AKAP7: variants seen among roughly 807,000 people sequenced by gnomAD.
AKAP7 encodes A kinase (PRKA) anchor protein 7.
A neutral mutation model predicts 39.5 loss-of-function variants in AKAP7; 39 were observed. That is an observed-to-expected ratio of 0.99 (90% CI 0.76 to 1.29). AKAP7 has a LOEUF of 1.29. Ranked by LOEUF, AKAP7 falls within the 50% of genes most tolerant of loss-of-function variation. AKAP7 has a pLI of 0.00. For missense variants in AKAP7, 414 were observed against 407.7 expected (o/e 1.02, Z -0.13); for synonymous variants, 140 against 139.1 (o/e 1.01, Z -0.05).
chr6:131,211,772 C>CAAAAAAA (rs202168206), intron 6 of AKAP7, among the ~76,000 whole-genome samples: 8 of 83,912 alleles, frequency 9.5e-5, no homozygotes, highest in African/African-American at 3.0e-4. Flanking sequence ...GACTCCGTCT[C>CAAAAAAA]AAAAAAAAAA....
At chr6:131,164,257 C>A in intron 3 of AKAP7, 1 of 421,196 alleles carries the variant, frequency 2.4e-6, no homozygotes, top group Non-Finnish European at 4.8e-6. Flanking sequence ...TCTGTGCTCT[C>A]TTTTCTCTGT....
At chr6:131,242,151 T>C in intron 7 of AKAP7, 1 of 985,006 alleles carries the variant, frequency 1.0e-6, no homozygotes, top group Non-Finnish European at 1.2e-6. Flanking sequence ...ATTGTGGTTC[T>C]ATTTGATCTT....
At chr6:131,240,365 TGAG>T (rs1364701592) in intron 7 of AKAP7, among the ~76,000 whole-genome samples, 3 of 152,206 alleles carry the variant, frequency 2.0e-5, no homozygotes, top group Admixed American at 1.3e-4. Context: ...GGGACCCACT[TGAG>T]GAGACAGTCT....
chr6:131,257,680 C>G (rs764759293), intron 7 of AKAP7, among the ~76,000 whole-genome samples: 7 of 152,118 alleles, frequency 4.6e-5, no homozygotes, highest in Non-Finnish European at 8.8e-5. Flanking sequence ...GAAAGGCTGT[C>G]ATCCTAAGAT....
At chr6:131,227,625 A>T (rs1369092942) in intron 7 of AKAP7, among the ~76,000 whole-genome samples, 1 of 152,202 alleles carries the variant, frequency 6.6e-6, no homozygotes, top group African/African-American at 2.4e-5. Context: ...GGCCAAGCAT[A>T]AACTAAACAG....
chr6:131,215,067 G>A (rs747329490), intron 6 of AKAP7, among the ~76,000 whole-genome samples: 1 of 151,968 alleles, frequency 6.6e-6, no homozygotes, highest in Non-Finnish European at 1.5e-5. Flanking sequence ...CATAGTAAAT[G>A]CTTTATATTT....
At position 131,281,725 on chromosome 6, in the gene AKAP7, G is replaced by A. The variant is rs1562263751; in HGVS notation, c.1046G>A (p.Ter349=). 1.3e-6 allele frequency: 2 copies of A among 1,598,174 alleles called. No individual in the cohort carries two copies. The change falls in exon 8 of 8, where the codon TGA becomes TAA. Residue 349 remains the stop codon, a stop_retained_variant. Transcript: ENST00000431975. This position sits in a 1 kb window ranked among gnomAD's most constrained non-coding sequence, Gnocchi z 4.0. ...AATGACAATGAGAACAACAGGAAAT[G>A]AGCCCGGAACGCAGGCCCCCATGTC... The part of the protein sequence containing the change: ...NGNDNENNRK[*]
At chr6:131,217,117 G>A (rs1217513015) in intron 6 of AKAP7, among the ~76,000 whole-genome samples, 1 of 152,124 alleles carries the variant, frequency 6.6e-6, no homozygotes, top group African/African-American at 2.4e-5. Context: ...GAATAATTTT[G>A]GGGGTCCACA....
chr6:131,235,842 T>C (rs939274948), intron 7 of AKAP7, among the ~76,000 whole-genome samples: 1 of 152,248 alleles, frequency 6.6e-6, no homozygotes, highest in Non-Finnish European at 1.5e-5. Context: ...GCAAAAATTT[T>C]CTCCCATTCT....
chr6:131,229,033 G>C (rs910729817), intron 7 of AKAP7, among the ~76,000 whole-genome samples: 56 of 152,224 alleles, frequency 3.7e-4, no homozygotes, highest in South Asian at 4.1e-4. Context: ...TATTGAAGTA[G>C]GTCGACCCAA....
intron 5 of AKAP7, among the ~76,000 whole-genome samples, chr6:131,170,221 G>A (rs1248786967): frequency 3.3e-5 from 5 of 150,260 alleles, no homozygotes; most frequent in East Asian, 3.9e-4. Context: ...TGGGTGCAGC[G>A]CACCAGCATG....
intron 5 of AKAP7, among the ~76,000 whole-genome samples, chr6:131,191,482 C>T (rs896884952): frequency 3.3e-5 from 5 of 151,790 alleles, no homozygotes; most frequent in African/African-American, 1.2e-4. Flanking sequence ...TTTTGGCTAC[C>T]CAGCATCTAA....
chr6:131,228,878 A>T (rs1049663992), intron 7 of AKAP7, among the ~76,000 whole-genome samples: 9 of 152,206 alleles, frequency 5.9e-5, no homozygotes, highest in South Asian at 2.1e-4. Context: ...CTAAAAAAAA[A>T]TTTTTTAAAG....
At chr6:131,220,323 G>C (rs548034671) in intron 7 of AKAP7, among the ~76,000 whole-genome samples, 4 of 152,334 alleles carry the variant, frequency 2.6e-5, no homozygotes, top group African/African-American at 9.6e-5. Context: ...GCATCTGTCA[G>C]ATGGCAGGAG....
Position 131,276,215 on chromosome 6 carries a change from A to G in AKAP7, c.851-5315A>G, listed in dbSNP as rs145579400. On this transcript the variant is annotated intron_variant, in intron 7 of 7. Coordinates refer to ENST00000431975, the MANE Select transcript of AKAP7 (RefSeq NM_016377.4). ...CCCTTTTGAAATTTACATTATAGAA[A>G]ATGTTTTAAAATATGGTTTTGGTGT... Among the ~76,000 whole-genome samples the G allele has an allele frequency of 7.2e-5, 11 of 152,254 alleles. No homozygotes were observed. In the East Asian group the frequency reaches 2.1e-3, roughly 29 times the overall value.
upstream of AKAP7, among the ~76,000 whole-genome samples, chr6:131,131,651 G>A (rs1474833846): frequency 3.3e-5 from 5 of 152,060 alleles, no homozygotes; most frequent in African/African-American, 1.2e-4. Flanking sequence ...TTCTAGTGGC[G>A]TAAAGTCTAA....
intron 7 of AKAP7, among the ~76,000 whole-genome samples, chr6:131,237,409 T>C (rs1159649887): frequency 1.3e-5 from 2 of 152,188 alleles, no homozygotes; most frequent in African/African-American, 4.8e-5. Context: ...ATCAGGATAA[T>C]GCTGGCCTCA....
At chr6:131,237,601 T>A (rs890370465) in intron 7 of AKAP7, among the ~76,000 whole-genome samples, 36 of 152,186 alleles carry the variant, frequency 2.4e-4, no homozygotes, top group African/African-American at 8.4e-4. Context: ...ATTGGTCTAT[T>A]CAGAGATTCA....
chr6:131,268,808 G>C (rs1053846517), intron 7 of AKAP7, among the ~76,000 whole-genome samples: 1 of 152,106 alleles, frequency 6.6e-6, no homozygotes, highest in African/African-American at 2.4e-5. Flanking sequence ...ATGCTTTTAA[G>C]TTTTAGGTAA....
Sources: gnomAD v4.1 joint callset for allele counts (sites outside exome capture counted in the v4.1 genomes callset) on GRCh38, gnomAD v4.1.1 for gene constraint, Gnocchi (gnomAD v3.1) non-coding constraint, MANE v1.5 for transcripts, NCBI Gene and HGNC (gene_info 2026-07-23, HGNC 2026-07-21) for gene names.